Variants in WDPCP observed in about 807,000 individuals in gnomAD.
WDPCP encodes WD repeat containing planar cell polarity effector, also known as WD repeat-containing and planar cell polarity effector protein fritz homolog.
Under a neutral mutation model 93.1 loss-of-function variants are expected in WDPCP, and 71 were observed. The ratio of observed to expected loss-of-function variants is 0.76; its 90% CI spans 0.63 to 0.93. WDPCP has a LOEUF of 0.93. WDPCP is among the 40% of genes least tolerant of loss of function. WDPCP has a pLI of 0.00. For synonymous variants in WDPCP, 315 were observed against 315.0 expected, an observed-to-expected ratio of 1.00 and a Z score of 0.00; for missense variants, 844 against 887.4, an observed-to-expected ratio of 0.95 and a Z score of 0.62.
At chr2:63,220,840 T>C (rs1262901491) in intron 14 of WDPCP, among the ~76,000 whole-genome samples, 2 of 152,160 alleles carry the variant, frequency 1.3e-5, no homozygotes, top group African/African-American at 2.4e-5. Context: ...GCTATATTTA[T>C]CCTGATGCTC....
At chr2:63,322,874 C>G (rs748807287) in intron 12 of WDPCP, among the ~76,000 whole-genome samples, 15 of 152,216 alleles carry the variant, frequency 9.9e-5, no homozygotes, top group Non-Finnish European at 1.9e-4. Flanking sequence ...CCTATTTTTC[C>G]TTAGAATTCG....
At chr2:63,351,719 C>A (rs185730142) in intron 12 of WDPCP, among the ~76,000 whole-genome samples, 1 of 152,202 alleles carries the variant, frequency 6.6e-6, no homozygotes, top group East Asian at 1.9e-4. Context: ...GTGAATAGTG[C>A]GGTGATGAAC....
rs554371261 is a variant in WDPCP, at chr2:63,213,821, C to T, written c.1916-38989G>A. ...ACCGATCCCACAGAGATACAAACTA[C>T]CCTCAGAGAATACTATGAACACCTC... On this transcript the variant is annotated intron_variant, in intron 14 of 17. Transcript: ENST00000272321. Among the ~76,000 whole-genome samples, 3 of 152,100 alleles carry T rather than the reference C, an allele frequency of 2.0e-5. No individual in the cohort carries two copies. In the South Asian group the frequency reaches 6.3e-4, roughly 32 times the overall value.
At chr2:63,224,416 A>G (rs561202594) in intron 14 of WDPCP, among the ~76,000 whole-genome samples, 13 of 152,180 alleles carry the variant, frequency 8.5e-5, no homozygotes, top group African/African-American at 3.1e-4. Flanking sequence ...CTGAAAACTT[A>G]TGTCCACACA....
rs370671719 is a variant in WDPCP, at chr2:63,326,931, A to G, written c.1749-13620T>C. 5.3e-5 allele frequency among the ~76,000 whole-genome samples: 8 copies of G among 152,362 alleles called. No homozygotes were observed. In the South Asian group the frequency reaches 1.7e-3, roughly 32 times the overall value. On this transcript the variant is annotated intron_variant, in intron 12 of 17. Coordinates refer to ENST00000272321, the MANE Select transcript of WDPCP (RefSeq NM_015910.7). ...TCTGTAACCCTGTAACAACACTCCA[A>G]TACCACCTTGTTGTCAGTGTGAACA...
intron 2 of WDPCP, among the ~76,000 whole-genome samples, chr2:63,720,784 GAAAC>G (rs1190088214): frequency 6.6e-6 from 1 of 152,150 alleles, no homozygotes; most frequent in Non-Finnish European, 1.5e-5. Flanking sequence ...CAGTTAAACA[GAAAC>G]AATACAGAGG....
At position 63,629,140 on chromosome 2, in the gene WDPCP, AC is replaced by A. The variant is rs1709840366; in HGVS notation, n.488+21518del. Among the ~76,000 whole-genome samples, 3 of 152,212 alleles carry A rather than the reference AC, an allele frequency of 2.0e-5. No individual in the cohort carries two copies. In the South Asian group the frequency reaches 6.2e-4, roughly 31 times the overall value. ...CAGCAAAGTGGAAACACCAACAGGC[AC>A]AGACAAACAAAGAAAAAAGCCCATC... On this transcript the variant is annotated intron_variant and non_coding_transcript_variant, in intron 3 of 4. Transcript: ENST00000467687.
chr2:63,134,657 A>G (rs1046261949), intron 17 of WDPCP, among the ~76,000 whole-genome samples: 1 of 152,236 alleles, frequency 6.6e-6, no homozygotes, highest in African/African-American at 2.4e-5. Context: ...TCACATATGC[A>G]AATTGCTTCA....
chr2:63,252,529 G>C (rs1404674194), intron 14 of WDPCP, among the ~76,000 whole-genome samples: 1 of 151,972 alleles, frequency 6.6e-6, no homozygotes, highest in Non-Finnish European at 1.5e-5. Flanking sequence ...AAAACCCTAA[G>C]GACTTCACCA....
chr2:63,619,685 A>T (rs1709711317), intron 3 of WDPCP, among the ~76,000 whole-genome samples: 1 of 152,256 alleles, frequency 6.6e-6, no homozygotes, highest in South Asian at 2.1e-4. Flanking sequence ...TATTAGCACC[A>T]TGTAACTGGT....
intron 17 of WDPCP, among the ~76,000 whole-genome samples, chr2:63,144,488 T>C (rs960098794): frequency 6.6e-6 from 1 of 152,152 alleles, no homozygotes; most frequent in Non-Finnish European, 1.5e-5. Context: ...AATCCTGGCC[T>C]TGTGATCTGC....
At chr2:63,589,271 AAGT>A (rs1238459284), upstream of WDPCP, 46 of 1,551,176 alleles carry the variant, frequency 3.0e-5, no homozygotes, top group Non-Finnish European at 4.4e-6. Context: ...GACTCTGGAG[AAGT>A]AGTTGTCCTG....
chr2:63,834,354 TAA>T, the WDPCP span, among the ~76,000 whole-genome samples: 1 of 152,244 alleles, frequency 6.6e-6, no homozygotes, highest in East Asian at 1.9e-4. Context: ...ATTTTCTTTG[TAA>T]ACTCTTGTTG....
chr2:63,681,442 A>C (rs1710490271), intron 2 of WDPCP, among the ~76,000 whole-genome samples: 1 of 152,024 alleles, frequency 6.6e-6, no homozygotes, highest in South Asian at 2.1e-4. Context: ...GTGGTCATGG[A>C]GTGGGGCTCC....
chr2:63,362,282 T>TGTGTGTGTGTGTGTGTGG, intron 12 of WDPCP, among the ~76,000 whole-genome samples: 1 of 74,214 alleles, frequency 1.3e-5, no homozygotes, highest in Admixed American at 1.5e-4. Context: ...TTTGGTTGTG[T>TGTGTGTGTGTGTGTGTGG]GTGTGTGTGT....
chr2:63,507,950 T>G (rs1701985683), intron 1 of WDPCP, among the ~76,000 whole-genome samples: 1 of 152,178 alleles, frequency 6.6e-6, no homozygotes, highest in African/African-American at 2.4e-5. Flanking sequence ...AGACCAAGCC[T>G]ACATTTGATT....
intron 6 of WDPCP, chr2:63,440,157 C>T (rs1260787972): frequency 1.5e-5 from 5 of 334,922 alleles, no homozygotes; most frequent in Non-Finnish European, 2.8e-5. Flanking sequence ...ACTTAGAAAG[C>T]ACATATGCAG....
At chr2:63,663,864 AT>A (rs940561109) in intron 2 of WDPCP, among the ~76,000 whole-genome samples, 5 of 151,894 alleles carry the variant, frequency 3.3e-5, no homozygotes, top group Non-Finnish European at 5.9e-5. Context: ...GCATTTGTGG[AT>A]TTTTTTTCAT....
chr2:63,683,187 A>G (rs945058581), intron 2 of WDPCP, among the ~76,000 whole-genome samples: 1 of 152,206 alleles, frequency 6.6e-6, no homozygotes, highest in African/African-American at 2.4e-5. Context: ...AAGGATGAGA[A>G]GACCACAAAA....
Sources: allele counts gnomAD v4.1 joint callset (sites outside exome capture counted in the v4.1 genomes callset), GRCh38; gene constraint gnomAD v4.1.1; transcripts MANE v1.5; gene names NCBI Gene and HGNC (gene_info 2026-07-23, HGNC 2026-07-21).